Variants in SEPTIN11 observed in about 807,000 individuals in gnomAD.
SEPTIN11 encodes the protein septin 11.
SEPTIN11 carries 25 observed loss-of-function variants against 51.4 expected under a neutral mutation model. The observed-to-expected ratio is 0.49, with a 90% CI of 0.35 to 0.68. The LOEUF is 0.68. Among genes scored for constraint, SEPTIN11 ranks in the 30% least tolerant of loss-of-function variants. The pLI is 0.00. For missense variants in SEPTIN11, 381 were observed against 520.8 expected (o/e 0.73, Z 2.61); for synonymous variants, 174 against 184.1 (o/e 0.95, Z 0.44).
chr4:77,011,965 C>A (rs1724895163), intron 4 of SEPTIN11, 44 bp downstream of exon 4: 3 of 1,526,554 alleles, frequency 2.0e-6, no homozygotes, highest in African/African-American at 2.8e-5. Context: ...CCTTTTAGAT[C>A]TTCTTTATCC....
intron 2 of SEPTIN11, among the ~76,000 whole-genome samples, chr4:77,000,555 C>T (rs1435412213): frequency 6.6e-6 from 1 of 152,090 alleles, no homozygotes; most frequent in African/African-American, 2.4e-5. Context: ...CATTCATTAG[C>T]AGATATTTAG....
intron 1 of SEPTIN11, among the ~76,000 whole-genome samples, chr4:76,993,435 T>C (rs1723490603): frequency 6.6e-6 from 1 of 151,238 alleles, no homozygotes; most frequent in African/African-American, 2.4e-5. Flanking sequence ...TCCCTGAAAC[T>C]GGGCCTGGAG....
At chr4:76,978,274 T>C (rs1722596405) in intron 1 of SEPTIN11, among the ~76,000 whole-genome samples, 1 of 152,156 alleles carries the variant, frequency 6.6e-6, no homozygotes, top group African/African-American at 2.4e-5. Context: ...CTGTTCCCAC[T>C]TCCCGTAGCT....
chr4:76,997,182 AT>A (rs1265772968), intron 2 of SEPTIN11, among the ~76,000 whole-genome samples: 2 of 152,278 alleles, frequency 1.3e-5, no homozygotes, highest in East Asian at 3.9e-4. Context: ...CTCTCTCCCC[AT>A]CACGCCTGAT....
chr4:77,017,578 G>A (rs1725389584), intron 5 of SEPTIN11, among the ~76,000 whole-genome samples: 1 of 152,166 alleles, frequency 6.6e-6, no homozygotes, highest in African/African-American at 2.4e-5. Flanking sequence ...GGTGTGAGAT[G>A]AACTAGAACA....
intron 1 of SEPTIN11, among the ~76,000 whole-genome samples, chr4:76,970,199 T>C (rs1560699592): frequency 6.6e-6 from 1 of 152,218 alleles, no homozygotes; most frequent in Non-Finnish European, 1.5e-5. Flanking sequence ...TAGTCATCCT[T>C]CAGGACTCTC....
intron 6 of SEPTIN11, among the ~76,000 whole-genome samples, chr4:77,019,540 A>G (rs1279307575): frequency 6.6e-6 from 1 of 152,204 alleles, no homozygotes; most frequent in East Asian, 1.9e-4. Context: ...ATTGAAAAAT[A>G]GTTCTTCCCT....
At chr4:77,028,536 T>C in intron 7 of SEPTIN11, 93 bp from the exon 8 acceptor site, 1 of 1,337,944 alleles carries the variant, frequency 7.5e-7, no homozygotes, top group Non-Finnish European at 1.0e-6. Flanking sequence ...GCTTTATCTA[T>C]GTTTTGAAAG....
Position 77,036,662 on chromosome 4 carries a change from A to ATTT in SEPTIN11, c.*2150_*2151insTTT, listed in dbSNP as rs1578218760. 3.3e-6 allele frequency: 5 copies of ATTT among 1,494,392 alleles called. No homozygotes were observed. Among genetic ancestry groups the ATTT allele is most frequent in the East Asian group, 5.0e-5 (2 of 40,210 alleles). 92.6% of individuals were successfully genotyped at this position (1,494,392 alleles called of 1,614,324 possible). On this transcript the variant is annotated 3_prime_UTR_variant, in exon 10 of 10. Coordinates refer to ENST00000264893, the MANE Select transcript of SEPTIN11 (RefSeq NM_018243.4). Reference sequence around the variant, plus strand: ...AAACAAATAGAAGCTTTTTTTTTTAAAAAATGTATTGCTTCTGAACTTTTT... The same window carrying ATTT: ...AAACAAATAGAAGCTTTTTTTTTTAATTTAAAATGTATTGCTTCTGAACTTTTT...
At position 76,953,540 on chromosome 4, in the gene SEPTIN11, G is replaced by A. The variant is rs114533929; in HGVS notation, c.27+3610G>A. Among the ~76,000 whole-genome samples the A allele has an allele frequency of 8.3e-3, 1,271 of 152,262 alleles. 11 individuals are homozygous for A. Among genetic ancestry groups the A allele is most frequent in the African/African-American group, 0.029 (1,201 of 41,548 alleles). On this transcript the variant is annotated intron_variant, in intron 1 of 9. Transcript: ENST00000264893. Reference sequence around the variant, plus strand: ...ATTGCCATTTTTGTGACTTGAAAATGTGGCCCCAGATGGATGGCTGTGGTC... The same window carrying A: ...ATTGCCATTTTTGTGACTTGAAAATATGGCCCCAGATGGATGGCTGTGGTC...
At chr4:76,971,989 C>T (rs1309209807) in intron 1 of SEPTIN11, among the ~76,000 whole-genome samples, 1 of 152,180 alleles carries the variant, frequency 6.6e-6, no homozygotes, top group Non-Finnish European at 1.5e-5. Context: ...GGTGGATCCA[C>T]AAGATACCAC....
chr4:76,989,461 T>A (rs960267296), intron 1 of SEPTIN11, among the ~76,000 whole-genome samples: 20 of 152,228 alleles, frequency 1.3e-4, no homozygotes, highest in African/African-American at 4.8e-4. Flanking sequence ...CGCCTGCTGA[T>A]AAGGATCAGA....
At chr4:76,994,158 C>T (rs114243753) in intron 1 of SEPTIN11, among the ~76,000 whole-genome samples, 47 of 152,230 alleles carry the variant, frequency 3.1e-4, no homozygotes, top group African/African-American at 1.1e-3. Context: ...CGTTCACGAA[C>T]GGTTGAAGTC....
At chr4:77,005,870 C>A in intron 3 of SEPTIN11, 74 bp downstream of exon 3, 1 of 1,405,020 alleles carries the variant, frequency 7.1e-7, no homozygotes, top group Non-Finnish European at 9.8e-7. Context: ...AATTTAAAGG[C>A]CAAATGTTTT....
At chr4:77,001,632 G>T (rs1010413559) in intron 2 of SEPTIN11, among the ~76,000 whole-genome samples, 1 of 152,208 alleles carries the variant, frequency 6.6e-6, no homozygotes, top group Non-Finnish European at 1.5e-5. Context: ...TTACAGGCGT[G>T]AGCCACCGTG....
chr4:76,966,124 T>C (rs866015665), intron 1 of SEPTIN11, among the ~76,000 whole-genome samples: 1 of 152,214 alleles, frequency 6.6e-6, no homozygotes, highest in Non-Finnish European at 1.5e-5. Context: ...TCTCATCATC[T>C]GTGTTGCAGT....
intron 5 of SEPTIN11, among the ~76,000 whole-genome samples, chr4:77,015,948 G>GATAC (rs1388803569): frequency 6.6e-6 from 1 of 152,184 alleles, no homozygotes; most frequent in African/African-American, 2.4e-5. Context: ...TGAGATGGAA[G>GATAC]ATACACCTTA....
At chr4:77,014,527 G>A (rs1725078510) in intron 4 of SEPTIN11, among the ~76,000 whole-genome samples, 1 of 152,092 alleles carries the variant, frequency 6.6e-6, no homozygotes, top group African/African-American at 2.4e-5. Context: ...GCATAGGAGA[G>A]GAAATTACAA....
chr4:77,035,165 G>A lies in SEPTIN11; in HGVS notation c.*653G>A. The A allele has an allele frequency of 3.0e-6, 3 of 985,368 alleles. No individual in the cohort carries two copies. The highest frequency in any genetic ancestry group is 2.4e-6 in the Non-Finnish European group (2 of 829,950). 61.0% of individuals were successfully genotyped at this position (985,368 alleles called of 1,614,324 possible). A position where few individuals can be genotyped will look rare whatever the true frequency, so the allele number is the denominator to read the frequency against. On this transcript the variant is annotated 3_prime_UTR_variant, in exon 10 of 10. Transcript: ENST00000264893. Reference sequence around the variant, plus strand: ...CATCTGAATGCCTGCCTTCAATCCTGGCCAAGTTGGAGTAGACTGGTATGA... The same window carrying A: ...CATCTGAATGCCTGCCTTCAATCCTAGCCAAGTTGGAGTAGACTGGTATGA...
Sources: allele counts gnomAD v4.1 joint callset (sites outside exome capture counted in the v4.1 genomes callset), GRCh38; gene constraint gnomAD v4.1.1; transcripts MANE v1.5; gene names NCBI Gene and HGNC (gene_info 2026-07-23, HGNC 2026-07-21).